The following GRIK2 variants were observed in gnomAD, a reference collection of about 807,000 sequenced individuals.
GRIK2 encodes glutamate ionotropic receptor kainate type subunit 2, also known as glutamate receptor ionotropic, kainate 2.
A neutral mutation model predicts 100.3 loss-of-function variants in GRIK2; 32 were observed. The observed-to-expected ratio is 0.32, with a 90% confidence interval of 0.24 to 0.43. GRIK2 has a LOEUF of 0.43. Ranked by LOEUF, GRIK2 falls within the 20% of genes least tolerant of loss-of-function variation. The pLI, the probability that GRIK2 is intolerant of heterozygous loss-of-function variation, is 1.00. For synonymous variants in GRIK2, 417 were observed against 389.4 expected, an observed-to-expected ratio of 1.07 and a Z score of -0.83; for missense variants, 843 against 1,114.9, an observed-to-expected ratio of 0.76 and a Z score of 3.47.
intron 11 of GRIK2, among the ~76,000 whole-genome samples, chr6:101,865,229 T>G (rs2128445761): frequency 6.6e-6 from 1 of 152,320 alleles, no homozygotes; most frequent in Non-Finnish European, 1.5e-5. Context: ...ACATTATTTT[T>G]AAGAAGACTC....
intron 7 of GRIK2, among the ~76,000 whole-genome samples, chr6:101,717,170 G>A (rs1245083517): frequency 6.6e-6 from 1 of 151,356 alleles, no homozygotes; most frequent in Non-Finnish European, 1.5e-5. Flanking sequence ...AGCAAGCCTT[G>A]TAAATGAGGT....
At chr6:101,623,320 A>G (rs1022539859) in intron 3 of GRIK2, among the ~76,000 whole-genome samples, 19 of 152,084 alleles carry the variant, frequency 1.2e-4, no homozygotes, top group African/African-American at 4.6e-4. Flanking sequence ...GAATACAAAT[A>G]AGTTTCCACA....
chr6:101,963,480 C>CT (rs1436674834), intron 14 of GRIK2, among the ~76,000 whole-genome samples: 1 of 120,852 alleles, frequency 8.3e-6, no homozygotes, highest in African/African-American at 3.1e-5. Context: ...CTTTTCCTTT[C>CT]TTTTTTTTCT....
intron 10 of GRIK2, among the ~76,000 whole-genome samples, chr6:101,856,546 A>C (rs1784434978): frequency 6.6e-6 from 1 of 152,160 alleles, no homozygotes; most frequent in Non-Finnish European, 1.5e-5. Context: ...ATTTAAGAAA[A>C]AAGGTTAGAG....
At chr6:101,516,241 A>G (rs1462312505) in intron 2 of GRIK2, among the ~76,000 whole-genome samples, 1 of 152,108 alleles carries the variant, frequency 6.6e-6, no homozygotes. Context: ...AAACAATTCT[A>G]AAATTTATAT....
At position 101,468,824 on chromosome 6, in the gene GRIK2, G is replaced by A. The variant is rs79312526; in HGVS notation, c.115+69432G>A. Among the ~76,000 whole-genome samples the A allele has an allele frequency of 5.0e-3, 757 of 152,164 alleles. 3 individuals carry two copies. The highest frequency in any genetic ancestry group is 0.018 in the African/African-American group (735 of 41,508). On this transcript the variant is annotated intron_variant, in intron 2 of 16. Transcript: ENST00000369134. The stretch of plus-strand genomic sequence containing the variant: ...GAGAAAACTTCAATATATGTTATAA[G>A]GTTCCTCATGATAATAACACCATGT...
intron 16 of GRIK2, among the ~76,000 whole-genome samples, chr6:102,060,208 C>T (rs896955894): frequency 2.7e-5 from 4 of 150,754 alleles, no homozygotes; most frequent in Middle Eastern, 6.8e-3. Context: ...CTAAGACAAT[C>T]TCTAAATAAT....
rs1357172217 is a variant in GRIK2, at chr6:101,626,770, A to G, written c.541+133A>G. Reference sequence around the variant, plus strand: ...AAATTCAGCTAAGGGGTAGAAAGACAGAATCAAACACCAATCCTAATTTCA... The same window carrying G: ...AAATTCAGCTAAGGGGTAGAAAGACGGAATCAAACACCAATCCTAATTTCA... On this transcript the variant is annotated intron_variant, in intron 4 of 16. Transcript: ENST00000369134. 7.3e-5 allele frequency: 49 copies of G among 668,724 alleles called. 2 individuals carry two copies. The highest frequency in any genetic ancestry group is 1.0e-4 in the South Asian group (5 of 49,598). 41.4% of individuals were successfully genotyped at this position (668,724 alleles called of 1,614,324 possible).
chr6:101,717,037 G>T (rs977913419), intron 7 of GRIK2, among the ~76,000 whole-genome samples: 1 of 151,838 alleles, frequency 6.6e-6, no homozygotes, highest in African/African-American at 2.4e-5. Flanking sequence ...ATATGCAAAT[G>T]ATCTTTTCCC....
chr6:101,624,085 A>G (rs934030962), intron 3 of GRIK2, among the ~76,000 whole-genome samples: 1 of 152,050 alleles, frequency 6.6e-6, no homozygotes, highest in African/African-American at 2.4e-5. Context: ...TTTTTCTGTT[A>G]TAGTTTTAAA....
chr6:101,872,703 G>A (rs1428288697), intron 11 of GRIK2, among the ~76,000 whole-genome samples: 1 of 151,666 alleles, frequency 6.6e-6, no homozygotes, highest in Admixed American at 6.6e-5. Flanking sequence ...ACCTCACATT[G>A]TATCTCATCT....
chr6:102,048,048 G>A (rs1322288411), intron 15 of GRIK2, among the ~76,000 whole-genome samples: 1 of 137,718 alleles, frequency 7.3e-6, no homozygotes, highest in African/African-American at 2.6e-5. Context: ...CTGTATGGAG[G>A]GTGCAGAAAT....
chr6:101,683,333 G>T (rs1362039577), intron 6 of GRIK2, among the ~76,000 whole-genome samples: 1 of 152,054 alleles, frequency 6.6e-6, no homozygotes, highest in Non-Finnish European at 1.5e-5. Context: ...TTCTGCTTTT[G>T]CCTGTATTTA....
At chr6:101,859,115 C>A (rs929412385) in intron 10 of GRIK2, among the ~76,000 whole-genome samples, 172 bp from the exon 11 acceptor site, 2 of 151,738 alleles carry the variant, frequency 1.3e-5, no homozygotes, top group Admixed American at 1.3e-4. Flanking sequence ...TCATATAAAA[C>A]CTGAATTTTC....
intron 7 of GRIK2, among the ~76,000 whole-genome samples, chr6:101,781,121 T>C (rs1319572315): frequency 6.6e-6 from 1 of 152,240 alleles, no homozygotes; most frequent in Non-Finnish European, 1.5e-5. Flanking sequence ...TATGTTATTT[T>C]TTCAGTTATC....
chr6:102,045,622 C>T (rs1410161705), intron 15 of GRIK2, among the ~76,000 whole-genome samples: 9 of 151,770 alleles, frequency 5.9e-5, no homozygotes, highest in African/African-American at 1.9e-4. Context: ...TAAAGACATA[C>T]CTAATAAATA....
intron 2 of GRIK2, among the ~76,000 whole-genome samples, chr6:101,576,732 AC>A (rs1396711322): frequency 1.3e-5 from 2 of 152,080 alleles, no homozygotes; most frequent in Non-Finnish European, 2.9e-5. Flanking sequence ...TATATGTATT[AC>A]TTTTCTGTGT....
chr6:101,903,089 A>G (rs899066719), intron 12 of GRIK2, among the ~76,000 whole-genome samples: 3 of 151,888 alleles, frequency 2.0e-5, no homozygotes, highest in Admixed American at 1.3e-4. Flanking sequence ...GGCTGGGAAG[A>G]AGGGAGAAAA....
In GRIK2 at chr6:101,705,595, G is replaced by A. The variant is rs1006752437; in HGVS notation, c.951+19242G>A. ...CTCTATGGAAAATGTACATGTACATGTGGTGGAATTTTTCCTGAAATTAAA... is the reference window on the plus strand; with the variant it reads ...CTCTATGGAAAATGTACATGTACATATGGTGGAATTTTTCCTGAAATTAAA... On this transcript the variant is annotated intron_variant, in intron 7 of 16. Transcript: ENST00000369134. Among the ~76,000 whole-genome samples, 36 of 151,778 alleles carry A rather than the reference G, an allele frequency of 2.4e-4. 2 individuals are homozygous for A. The highest frequency in any genetic ancestry group is 1.5e-4 in the Non-Finnish European group (10 of 67,856).
Sources: gnomAD v4.1 joint callset for allele counts (sites outside exome capture counted in the v4.1 genomes callset) on GRCh38, gnomAD v4.1.1 for gene constraint, MANE v1.5 for transcripts, NCBI Gene and HGNC (gene_info 2026-07-23, HGNC 2026-07-21) for gene names.